Variants in TMEM38A observed in about 807,000 individuals in gnomAD.
The protein encoded by TMEM38A is trimeric intracellular cation channel type A.
In TMEM38A, 17 loss-of-function variants were observed where a neutral mutation model predicts 28.6. The ratio of observed to expected loss-of-function variants is 0.60; its 90% CI spans 0.41 to 0.89. TMEM38A has a LOEUF of 0.89. Among genes scored for constraint, TMEM38A ranks in the 40% least tolerant of loss-of-function variants. The pLI is 0.00. For missense variants in TMEM38A, 328 were observed against 393.1 expected (o/e 0.83, Z 1.40); for synonymous variants, 169 against 166.1 (o/e 1.02, Z -0.14).
intron 1 of TMEM38A, among the ~76,000 whole-genome samples, chr19:16,676,025 C>A (rs1296695393): frequency 6.6e-6 from 1 of 152,140 alleles, no homozygotes; most frequent in Non-Finnish European, 1.5e-5. Flanking sequence ...ATAGACAAAA[C>A]TGATTATTTC....
At chr19:16,679,057 G>C (rs2086765956) in intron 1 of TMEM38A, among the ~76,000 whole-genome samples, 1 of 151,538 alleles carries the variant, frequency 6.6e-6, no homozygotes, top group South Asian at 2.1e-4. Flanking sequence ...TCTGAGGCAG[G>C]AGGATCGCTT....
chr19:16,670,643 A>G (rs755737672), intron 1 of TMEM38A, among the ~76,000 whole-genome samples: 20 of 152,136 alleles, frequency 1.3e-4, no homozygotes, highest in Non-Finnish European at 2.8e-4. Context: ...ATGAGCATCG[A>G]AAGTCCCATG....
chr19:16,663,563 C>G (rs2086691238), intron 1 of TMEM38A, among the ~76,000 whole-genome samples: 1 of 150,792 alleles, frequency 6.6e-6, no homozygotes, highest in Non-Finnish European at 1.5e-5. Context: ...GAGTCTCGCT[C>G]TGTCGCCCAG....
rs917819502 is a variant in TMEM38A, at chr19:16,689,410, G to A, written c.*1039G>A. On this transcript the variant is annotated 3_prime_UTR_variant, in exon 6 of 6. Transcript: ENST00000187762. Reference sequence around the variant, plus strand: ...AGATCATTCGTGTGTGTGGATCAGAGAAACGCACAAGTTCCCTGGCACAAA... The same window carrying A: ...AGATCATTCGTGTGTGTGGATCAGAAAAACGCACAAGTTCCCTGGCACAAA... The A allele has an allele frequency of 1.3e-5, 2 of 152,224 alleles. No individual in the cohort carries two copies. Among genetic ancestry groups the A allele is most frequent in the African/African-American group, 4.8e-5 (2 of 41,448 alleles). The allele number at this position is 152,224 out of a possible 1,614,324, so 9.4% of individuals were successfully genotyped here.
Position 16,689,787 on chromosome 19 carries a change from T to A in TMEM38A, c.*1416T>A, listed in dbSNP as rs1258721548. 1 of 152,284 alleles carries A rather than the reference T, an allele frequency of 6.6e-6. No individual in the cohort carries two copies. Among genetic ancestry groups the A allele is most frequent in the Non-Finnish European group, 1.5e-5 (1 of 68,124 alleles). The allele number at this position is 152,284 out of a possible 1,614,324, so 9.4% of individuals were successfully genotyped here. A position where few individuals can be genotyped will look rare whatever the true frequency, so the allele number is the denominator to read the frequency against. ...GAAGGGTCCCTCCTGGTCACCCTCA[T>A]CTCAGCCTAGGTCACCAGGATGTCT... On this transcript the variant is annotated 3_prime_UTR_variant, in exon 6 of 6. Coordinates refer to ENST00000187762, the MANE Select transcript of TMEM38A (RefSeq NM_024074.4).
At chr19:16,682,637 C>A in intron 4 of TMEM38A, 129 bp downstream of exon 4, 2 of 787,216 alleles carry the variant, frequency 2.5e-6, no homozygotes, top group Non-Finnish European at 4.3e-6. Flanking sequence ...CTTTCAGAGG[C>A]TATGACTGGG....
chr19:16,671,107 T>C (rs1348092391), intron 1 of TMEM38A, among the ~76,000 whole-genome samples: 1 of 150,902 alleles, frequency 6.6e-6, no homozygotes, highest in Non-Finnish European at 1.5e-5. Context: ...AATGTGTTCA[T>C]GGCATGCGGC....
intron 1 of TMEM38A, among the ~76,000 whole-genome samples, chr19:16,672,029 A>C (rs1045213013): frequency 6.6e-6 from 1 of 152,018 alleles, no homozygotes; most frequent in Non-Finnish European, 1.5e-5. Flanking sequence ...AGACCCTAGG[A>C]GAGGAGCTGA....
chr19:16,665,352 G>A (rs1424629765), intron 1 of TMEM38A, among the ~76,000 whole-genome samples: 11 of 151,922 alleles, frequency 7.2e-5, no homozygotes, highest in Admixed American at 7.2e-4. Flanking sequence ...AGCCAGGTGT[G>A]GTGGCATGTG....
At chr19:16,663,281 G>GA (rs1004763350) in intron 1 of TMEM38A, among the ~76,000 whole-genome samples, 586 of 141,336 alleles carry the variant, frequency 4.1e-3, no homozygotes, top group African/African-American at 8.0e-3. Flanking sequence ...ACTCTGTCTC[G>GA]AAAAAAAAAA....
rs946340928 is a variant in TMEM38A at position 16,664,848 on chromosome 19, G to A, written c.124+3507G>A. 5.4e-5 allele frequency among the ~76,000 whole-genome samples: 8 copies of A among 148,614 alleles called. No homozygotes were observed. The East Asian group carries it at 8.2e-4, about 15-fold the overall frequency. On this transcript the variant is annotated intron_variant, in intron 1 of 5. Coordinates refer to ENST00000187762, the MANE Select transcript of TMEM38A (RefSeq NM_024074.4). ...CCAGCCTGGGCAACAGAGCAAGACC[G>A]TGTCTCCTAAAAAAATAATAATAAT...
rs1486947214 is a variant in TMEM38A at position 16,688,351 on chromosome 19, A to C, written c.880A>C (p.Lys294Gln). 3 of 1,591,690 alleles carry C rather than the reference A, an allele frequency of 1.9e-6. No individual in the cohort carries two copies. Among genetic ancestry groups the C allele is most frequent in the Non-Finnish European group, 2.6e-6 (3 of 1,170,798 alleles). Residue 294 changes from lysine to glutamine, a missense_variant, in exon 6 of 6, where the codon AAG (lysine) becomes CAG (glutamine). Coordinates refer to ENST00000187762, the MANE Select transcript of TMEM38A (RefSeq NM_024074.4). ...GTTGAGCGAGGGCTCCAGGAAGAAGAAGGCCAAGAAGGCGGATTAGGGGGT... is the reference window on the plus strand; with the variant it reads ...GTTGAGCGAGGGCTCCAGGAAGAAGCAGGCCAAGAAGGCGGATTAGGGGGT... ...EELSEGSRKKKAKKAD is the reference protein window; with the variant it reads ...EELSEGSRKKQAKKAD
At chr19:16,666,442 T>C (rs1456029875) in intron 1 of TMEM38A, among the ~76,000 whole-genome samples, 3 of 151,922 alleles carry the variant, frequency 2.0e-5, no homozygotes, top group South Asian at 4.2e-4. Flanking sequence ...AAATTTTTTT[T>C]TTTCGAGACA....
chr19:16,664,614 G>C (rs1175852727), intron 1 of TMEM38A, among the ~76,000 whole-genome samples: 1 of 152,030 alleles, frequency 6.6e-6, no homozygotes, highest in Non-Finnish European at 1.5e-5. Flanking sequence ...TCATAGCCAG[G>C]CATGGTGGTG....
chr19:16,675,343 C>T (rs1432568803), intron 1 of TMEM38A, among the ~76,000 whole-genome samples: 3 of 151,900 alleles, frequency 2.0e-5, no homozygotes, highest in African/African-American at 7.3e-5. Context: ...AAGTGGTCCT[C>T]CCACCTCAGA....
At chr19:16,662,336 GAAA>G (rs940460009) in intron 1 of TMEM38A, among the ~76,000 whole-genome samples, 1 of 148,438 alleles carries the variant, frequency 6.7e-6, no homozygotes, top group Non-Finnish European at 1.5e-5. Flanking sequence ...AAGGGCAAAG[GAAA>G]AAAAGAGAAT....
intron 1 of TMEM38A, among the ~76,000 whole-genome samples, chr19:16,666,822 G>A (rs1163430149): frequency 6.6e-6 from 1 of 151,178 alleles, no homozygotes; most frequent in African/African-American, 2.4e-5. Flanking sequence ...GCATGGTGGC[G>A]GGCTCCTGTA....
intron 1 of TMEM38A, among the ~76,000 whole-genome samples, chr19:16,676,481 T>C (rs1345125432): frequency 6.6e-6 from 1 of 152,194 alleles, no homozygotes; most frequent in Non-Finnish European, 1.5e-5. Context: ...GGTCATGTAA[T>C]GTACAGAGTA....
chr19:16,680,177 G>C (rs775526705), intron 2 of TMEM38A, 37 bp downstream of exon 2: 21 of 1,594,664 alleles, frequency 1.3e-5, no homozygotes, highest in Non-Finnish European at 1.6e-5. Context: ...AGAGCCGGGT[G>C]GGGGAAACAA....
Sources: gnomAD v4.1 joint callset for allele counts (sites outside exome capture counted in the v4.1 genomes callset) on GRCh38, gnomAD v4.1.1 for gene constraint, MANE v1.5 for transcripts, NCBI Gene and HGNC (gene_info 2026-07-23, HGNC 2026-07-21) for gene names.